Variants in PML observed in about 807,000 individuals in gnomAD.
PML encodes protein PML.
PML carries 28 observed loss-of-function variants against 65.2 expected under a neutral mutation model. The observed-to-expected ratio is 0.43, with a 90% CI of 0.32 to 0.59. PML has a LOEUF of 0.59. Among genes scored for constraint, PML ranks in the 20% least tolerant of loss-of-function variants. The pLI is 0.08. For synonymous variants in PML, 500 were observed against 508.8 expected, an observed-to-expected ratio of 0.98 and a Z score of 0.23; for missense variants, 1,021 against 1,203.4, an observed-to-expected ratio of 0.85 and a Z score of 2.24.
chr15:74,047,751 A>T lies in PML; in HGVS notation c.*2743A>T, dbSNP rs189302235. ...TATTTTAAAAGTGCACAAATTTAAG[A>T]TCTTACTGCTTTATAAAGTGCTTTA... On this transcript the variant is annotated 3_prime_UTR_variant, in exon 9 of 9. Coordinates refer to ENST00000268058, the MANE Select transcript of PML (RefSeq NM_033238.3). 262 of 186,142 alleles carry T rather than the reference A, an allele frequency of 1.4e-3. 1 individual carries two copies. The highest frequency in any genetic ancestry group is 7.6e-3 in the Middle Eastern group (4 of 526). The allele number at this position is 186,142 out of a possible 1,614,324, so 11.5% of individuals were successfully genotyped here.
Position 74,031,250 on chromosome 15 carries a change from T to A in PML, c.1255-1322T>A, listed in dbSNP as rs139549603. 8.5e-3 allele frequency: 3,797 copies of A among 446,190 alleles called. 31 individuals are homozygous for A. Among genetic ancestry groups the A allele is most frequent in the Non-Finnish European group, 0.014 (3,058 of 221,780 alleles). The allele number at this position is 446,190 out of a possible 1,614,324, so 27.6% of individuals were successfully genotyped here. On this transcript the variant is annotated intron_variant, in intron 4 of 8. Transcript: ENST00000268058. ...GATCATACAATGTGTATTTTGTGTC[T>A]GGTTTCTTTTTTTAAAAAAATTTAT... is the stretch of plus-strand genomic sequence containing the variant.
At position 74,035,682 on chromosome 15, in the gene PML, C is replaced by T. The variant is rs1411756398; in HGVS notation, c.1710+1152C>T. ...CAGCCGCTCCCTCCGGGGCTCCTCCCATTTATCCCAGTGGCTCAACAACTT... is the reference window on the plus strand; with the variant it reads ...CAGCCGCTCCCTCCGGGGCTCCTCCTATTTATCCCAGTGGCTCAACAACTT... On this transcript the variant is annotated intron_variant, in intron 7 of 8. Coordinates refer to ENST00000268058, the MANE Select transcript of PML (RefSeq NM_033238.3). This position sits in a 1 kb window ranked among gnomAD's most constrained non-coding sequence, Gnocchi z 4.1. The T allele has an allele frequency of 5.6e-6, 9 of 1,614,000 alleles. No individual in the cohort carries two copies. The highest frequency in any genetic ancestry group is 6.8e-6 in the Non-Finnish European group (8 of 1,180,028).
chr15:74,038,863 G>A (rs1270101762), intron 7 of PML, among the ~76,000 whole-genome samples: 3 of 152,218 alleles, frequency 2.0e-5, no homozygotes, highest in African/African-American at 7.2e-5. Flanking sequence ...GTGAGAGACT[G>A]TTTGTGCAAG....
Position 74,037,233 on chromosome 15 carries a change from C to T in PML, c.1710+2703C>T, listed in dbSNP as rs975168702. ...CCTCACCCTCAGCTGATGGCGGCAC[C>T]TTCTGCTCCAGGGAGAAAACAGGAG... is the stretch of plus-strand genomic sequence containing the variant. On this transcript the variant is annotated intron_variant, in intron 7 of 8. Coordinates refer to ENST00000268058, the MANE Select transcript of PML (RefSeq NM_033238.3). This position sits in a 1 kb window ranked among gnomAD's most constrained non-coding sequence, Gnocchi z 4.2. The T allele has an allele frequency of 1.0e-6, 1 of 985,422 alleles. No individual in the cohort carries two copies. The highest frequency in any genetic ancestry group is 1.2e-6 in the Non-Finnish European group (1 of 829,926). 61.0% of individuals were successfully genotyped at this position (985,422 alleles called of 1,614,324 possible). A position where few individuals can be genotyped will look rare whatever the true frequency, so the allele number is the denominator to read the frequency against.
In PML at chr15:74,045,182, C is replaced by A. The variant is rs2071759441; in HGVS notation, c.*174C>A. Reference sequence around the variant, plus strand: ...AAATTTCCCTTCTCTAAACATCCTACAGAGAAGGTTCCAAAGCTGAGCACC... The same window carrying A: ...AAATTTCCCTTCTCTAAACATCCTAAAGAGAAGGTTCCAAAGCTGAGCACC... On this transcript the variant is annotated 3_prime_UTR_variant, in exon 9 of 9. Transcript: ENST00000268058. The A allele has an allele frequency of 3.1e-6, 2 of 635,726 alleles. No individual in the cohort carries two copies. The highest frequency in any genetic ancestry group is 1.8e-5 in the African/African-American group (1 of 54,554). 39.4% of individuals were successfully genotyped at this position (635,726 alleles called of 1,614,324 possible). A position where few individuals can be genotyped will look rare whatever the true frequency, so the allele number is the denominator to read the frequency against.
At position 74,033,203 on chromosome 15, in the gene PML, C is replaced by G. The variant is rs1439907120; in HGVS notation, c.1446C>G (p.Thr482=). ...CCCAGAAGAGGAAGTGCAGCCAGAC[C>G]CAGTGCCCCAGGAAGGTCATCAAGA... ...TTAQKRKCSQ[T]QCPRKVIKME... The change falls in exon 6 of 9, where the codon ACC becomes ACG. Residue 482 remains threonine (T), a synonymous_variant. Coordinates refer to ENST00000268058, the MANE Select transcript of PML (RefSeq NM_033238.3). The G allele has an allele frequency of 3.1e-6, 5 of 1,614,164 alleles. No homozygotes were observed. Among genetic ancestry groups the G allele is most frequent in the South Asian group, 1.1e-5 (1 of 91,080 alleles).
rs143705203 is a variant in PML, at chr15:74,023,152, C to T, written c.927C>T (p.Tyr309=). The T allele has an allele frequency of 2.1e-5, 34 of 1,604,880 alleles. No homozygotes were observed. The Admixed American group carries it at 2.5e-4, about 12-fold the overall frequency. ...TGGACGCGCGGTACCAGCGCGACTA[C>T]GAGGAGATGGCCAGTCGGCTGGGCC... is the stretch of plus-strand genomic sequence containing the variant. ...EAVDARYQRD[Y]EEMASRLGRL... Residue 309 remains tyrosine (Y), a synonymous_variant, in exon 3 of 9, where the codon TAC becomes TAT. Coordinates refer to ENST00000268058, the MANE Select transcript of PML (RefSeq NM_033238.3).
chr15:74,032,393 G>A (rs918766564), intron 4 of PML, 179 bp from the exon 5 acceptor site: 6 of 656,198 alleles, frequency 9.1e-6, no homozygotes, highest in Non-Finnish European at 1.6e-5. Flanking sequence ...AAAAAAAGGA[G>A]GTGATGTGAT....
intron 2 of PML, among the ~76,000 whole-genome samples, chr15:74,019,614 ATT>A (rs1270770423): frequency 2.0e-5 from 3 of 152,244 alleles, no homozygotes; most frequent in African/African-American, 7.2e-5. Flanking sequence ...CTATGAAGAT[ATT>A]CTTATTTTTC....
At position 74,045,597 on chromosome 15, in the gene PML, A is replaced by G. The variant is rs2071763013; in HGVS notation, c.*589A>G. 2 of 233,750 alleles carry G rather than the reference A, an allele frequency of 8.6e-6. No individual in the cohort carries two copies. The highest frequency in any genetic ancestry group is 8.4e-6 in the Non-Finnish European group (1 of 118,534). 14.5% of individuals were successfully genotyped at this position (233,750 alleles called of 1,614,324 possible). On this transcript the variant is annotated 3_prime_UTR_variant, in exon 9 of 9. Coordinates refer to ENST00000268058, the MANE Select transcript of PML (RefSeq NM_033238.3). Reference sequence around the variant, plus strand: ...GCCTCATCAGCAAAGACAGAAACTGATGTTCCATGCATGTCCCTGCTTCCA... The same window carrying G: ...GCCTCATCAGCAAAGACAGAAACTGGTGTTCCATGCATGTCCCTGCTTCCA...
At chr15:74,036,159 A>G (rs1024689877) in intron 7 of PML, 4 of 1,605,010 alleles carry the variant, frequency 2.5e-6, no homozygotes, top group Admixed American at 1.7e-5. Flanking sequence ...AGGCTAAGGC[A>G]TGGCTGAGAT....
chr15:74,009,890 G>A (rs910178277), intron 2 of PML, among the ~76,000 whole-genome samples: 3 of 152,206 alleles, frequency 2.0e-5, no homozygotes, highest in Non-Finnish European at 4.4e-5. Flanking sequence ...GCCAAGATCA[G>A]GATTAGGGCT....
At chr15:73,995,833 C>T (rs1433918108) in intron 1 of PML, among the ~76,000 whole-genome samples, 3 of 152,168 alleles carry the variant, frequency 2.0e-5, no homozygotes, top group Non-Finnish European at 2.9e-5. Context: ...CGGCTCACTG[C>T]AACCTCCTCC....
chr15:74,043,941 T>C lies in PML; in HGVS notation c.1862-280T>C, dbSNP rs1179874367. Among the ~76,000 whole-genome samples, 1 of 152,052 alleles carries C rather than the reference T, an allele frequency of 6.6e-6. No homozygotes were observed. The highest frequency in any genetic ancestry group is 2.4e-5 in the African/African-American group (1 of 41,412). ...AGAAGACAGGAGGGACCTGTATCCATGGGGTTTGGCCAACTCTGGGGCCGG... is the reference window on the plus strand; with the variant it reads ...AGAAGACAGGAGGGACCTGTATCCACGGGGTTTGGCCAACTCTGGGGCCGG... On this transcript the variant is annotated intron_variant, in intron 8 of 8. Coordinates refer to ENST00000268058, the MANE Select transcript of PML (RefSeq NM_033238.3). The surrounding 1 kb of genome is among the most constrained non-coding windows in gnomAD (Gnocchi z 4.3).
At chr15:74,010,828 A>G (rs2141774281) in intron 2 of PML, among the ~76,000 whole-genome samples, 1 of 152,362 alleles carries the variant, frequency 6.6e-6, no homozygotes, top group Admixed American at 6.5e-5. Context: ...GGCAGTTTTC[A>G]GAAGGGAAAA....
Position 74,046,746 on chromosome 15 carries a change from CT to C in PML, c.*1741del, listed in dbSNP as rs777309511. The C allele has an allele frequency of 1.7e-5, 4 of 231,594 alleles. No homozygotes were observed. The highest frequency in any genetic ancestry group is 3.4e-5 in the Non-Finnish European group (4 of 117,104). 14.3% of individuals were successfully genotyped at this position (231,594 alleles called of 1,614,324 possible). ...TCTGCCCTGCCTCCACTGTCACAGC[CT>C]TTAATAAAGATGTGAATCTTGAAAG... is the stretch of plus-strand genomic sequence containing the variant. On this transcript the variant is annotated 3_prime_UTR_variant, in exon 9 of 9. Coordinates refer to ENST00000268058, the MANE Select transcript of PML (RefSeq NM_033238.3).
intron 2 of PML, among the ~76,000 whole-genome samples, chr15:74,007,304 G>A (rs2070108053): frequency 6.6e-6 from 1 of 151,898 alleles, no homozygotes; most frequent in Non-Finnish European, 1.5e-5. Context: ...ACAATCATAT[G>A]CCAAAGTGGC....
rs553452775 is a variant in PML at position 74,046,476 on chromosome 15, C to T, written c.*1468C>T. The T allele has an allele frequency of 3.4e-5, 8 of 232,908 alleles. No individual in the cohort carries two copies. The highest frequency in any genetic ancestry group is 1.3e-4 in the African/African-American group (6 of 45,440). The allele number at this position is 232,908 out of a possible 1,614,324, so 14.4% of individuals were successfully genotyped here. ...GTGTACCCATACTGCAGCCCCATCC[C>T]ATGGGGCCCCTGAAGACCCACTGAG... On this transcript the variant is annotated 3_prime_UTR_variant, in exon 9 of 9. Transcript: ENST00000268058.
intron 2 of PML, among the ~76,000 whole-genome samples, chr15:74,008,021 G>A (rs2070147594): frequency 6.6e-6 from 1 of 152,188 alleles, no homozygotes. Context: ...TTTGTGCTCA[G>A]TCATTTGTGG....
Sources: allele counts gnomAD v4.1 joint callset (sites outside exome capture counted in the v4.1 genomes callset), GRCh38; gene constraint gnomAD v4.1.1; non-coding constraint Gnocchi (gnomAD v3.1); transcripts MANE v1.5; gene names NCBI Gene and HGNC (gene_info 2026-07-23, HGNC 2026-07-21).